Variants in PACRG observed in about 807,000 individuals in gnomAD.
PACRG encodes parkin coregulated, also known as parkin coregulated gene protein.
Under a neutral mutation model 29.7 loss-of-function variants are expected in PACRG, and 29 were observed. The observed-to-expected ratio is 0.98, with a 90% confidence interval of 0.73 to 1.33. The LOEUF (loss-of-function observed/expected upper bound fraction) is 1.33, where lower values mean the gene tolerates loss of function less well. Among genes scored for constraint, PACRG ranks in the 40% most tolerant of loss-of-function variants. PACRG has a pLI of 0.00. For missense variants in PACRG, 279 were observed against 316.2 expected, an observed-to-expected ratio of 0.88 and a Z score of 0.89; for synonymous variants, 116 against 118.7, an observed-to-expected ratio of 0.98 and a Z score of 0.15.
chr6:162,838,697 T>C (rs985814724), intron 2 of PACRG, among the ~76,000 whole-genome samples: 1 of 151,186 alleles, frequency 6.6e-6, no homozygotes, highest in Non-Finnish European at 1.5e-5. Context: ...ACCCACTAAC[T>C]GGTCATCTAG....
chr6:163,022,277 T>C (rs1180811433), intron 2 of PACRG, among the ~76,000 whole-genome samples: 1 of 152,256 alleles, frequency 6.6e-6, no homozygotes, highest in African/African-American at 2.4e-5. Context: ...GTCCCTGCCC[T>C]TGCTGTACTC....
chr6:163,006,045 A>G (rs1177416779), intron 2 of PACRG, among the ~76,000 whole-genome samples: 4 of 145,212 alleles, frequency 2.8e-5, no homozygotes, highest in African/African-American at 1.0e-4. Flanking sequence ...TATAACATAT[A>G]TAACTATGTA....
At chr6:163,149,706 C>G (rs1777994686) in intron 4 of PACRG, among the ~76,000 whole-genome samples, 2 of 152,140 alleles carry the variant, frequency 1.3e-5, no homozygotes, top group African/African-American at 4.8e-5. Flanking sequence ...AGCCCCAACC[C>G]AACACCTGTG....
intron 1 of PACRG, among the ~76,000 whole-genome samples, chr6:162,758,651 T>C (rs1323585333): frequency 6.6e-6 from 1 of 152,210 alleles, no homozygotes; most frequent in Non-Finnish European, 1.5e-5. Flanking sequence ...AGATATACTA[T>C]CCATGTGCTG....
intron 2 of PACRG, among the ~76,000 whole-genome samples, chr6:162,975,752 T>G (rs572056080): frequency 7.2e-6 from 1 of 138,804 alleles, no homozygotes; most frequent in East Asian, 2.5e-4. Flanking sequence ...AATAAAATCT[T>G]TAGCAGGTCC....
chr6:162,996,170 G>A (rs915778296), intron 2 of PACRG, among the ~76,000 whole-genome samples: 3 of 152,064 alleles, frequency 2.0e-5, no homozygotes, highest in Non-Finnish European at 4.4e-5. Flanking sequence ...CATGCACAGA[G>A]ATAATTATGT....
intron 1 of PACRG, among the ~76,000 whole-genome samples, chr6:162,770,482 A>G (rs1783133575): frequency 6.6e-6 from 1 of 152,120 alleles, no homozygotes; most frequent in African/African-American, 2.4e-5. Flanking sequence ...TTGGCATATG[A>G]GCTTTGTTCA....
chr6:162,916,202 G>T (rs1796684383), intron 2 of PACRG, among the ~76,000 whole-genome samples: 1 of 152,144 alleles, frequency 6.6e-6, no homozygotes, highest in Admixed American at 6.5e-5. Flanking sequence ...GCACTCTAAA[G>T]ATGCTATTCT....
At chr6:163,310,725 G>A (rs1272158536) in intron 4 of PACRG, 1 of 152,196 alleles carries the variant, frequency 6.6e-6, no homozygotes, top group Admixed American at 6.5e-5. Context: ...ACACAGTCTA[G>A]AATTGAAATG....
intron 2 of PACRG, among the ~76,000 whole-genome samples, chr6:162,838,452 A>T (rs1279449812): frequency 6.6e-6 from 1 of 152,194 alleles, no homozygotes; most frequent in Non-Finnish European, 1.5e-5. Context: ...GTTGATCGGA[A>T]ATCAGCCAAT....
At chr6:163,204,397 T>A (rs1029176298) in intron 4 of PACRG, among the ~76,000 whole-genome samples, 5 of 152,184 alleles carry the variant, frequency 3.3e-5, no homozygotes, top group Non-Finnish European at 5.9e-5. Context: ...AATTCTAACC[T>A]TTTCCCCTTG....
chr6:162,814,215 CTA>C lies in PACRG; in HGVS notation c.227_228del (p.Tyr76Ter). The C allele has an allele frequency of 5.6e-6, 9 of 1,613,820 alleles. No individual in the cohort carries two copies. Among genetic ancestry groups the C allele is most frequent in the Non-Finnish European group, 7.6e-6 (9 of 1,179,874 alleles). On this transcript the variant is annotated frameshift_variant, in exon 2 of 5. Coordinates refer to ENST00000366888, the MANE Select transcript of PACRG (RefSeq NM_001080379.2). LOFTEE classifies it high-confidence loss of function. Reference sequence around the variant, plus strand: ...CCAAGCCCACAGCATTTCGAAAATTCTATGAGCGAGGTGACTTCCCAATTGCC... The same window carrying C: ...CCAAGCCCACAGCATTTCGAAAATTCTGAGCGAGGTGACTTCCCAATTGCC... ...PTKPTAFRKF[Y>X]ERGDFPIALE...
chr6:163,290,802 A>T, intron 4 of PACRG, among the ~76,000 whole-genome samples: 1 of 152,202 alleles, frequency 6.6e-6, no homozygotes, highest in Non-Finnish European at 1.5e-5. Context: ...ATGGTCACTT[A>T]AAAATGTCCT....
chr6:162,992,506 A>G (rs1237330716), intron 2 of PACRG, among the ~76,000 whole-genome samples: 3 of 147,150 alleles, frequency 2.0e-5, no homozygotes, highest in Non-Finnish European at 3.0e-5. Flanking sequence ...CATTTCTTCT[A>G]GATTTTCTAG....
chr6:162,872,958 T>C (rs1366890901), intron 2 of PACRG, among the ~76,000 whole-genome samples: 2 of 152,170 alleles, frequency 1.3e-5, no homozygotes, highest in African/African-American at 2.4e-5. Context: ...AGAATCTCAA[T>C]TTTATTAGTA....
rs1215883399 is a variant in PACRG, at chr6:163,088,614, A to C, written c.464-645A>C. On this transcript the variant is annotated intron_variant, in intron 3 of 4. Coordinates refer to ENST00000366888, the MANE Select transcript of PACRG (RefSeq NM_001080379.2). ...TCTGCAGTACAGCTTGTTACTTTGC[A>C]CTCAGAACTGTTTCTTTAGAACTGT... Among the ~76,000 whole-genome samples, 9 of 152,164 alleles carry C rather than the reference A, an allele frequency of 5.9e-5. No homozygotes were observed. In the East Asian group the frequency reaches 1.5e-3, roughly 26 times the overall value.
chr6:162,868,705 G>T (rs1012567133), intron 2 of PACRG, among the ~76,000 whole-genome samples: 3 of 152,190 alleles, frequency 2.0e-5, no homozygotes, highest in African/African-American at 7.2e-5. Context: ...AGGAGAATAC[G>T]CAACTCCTTC....
At chr6:163,281,543 A>T (rs1008890023) in intron 4 of PACRG, among the ~76,000 whole-genome samples, 7 of 148,524 alleles carry the variant, frequency 4.7e-5, no homozygotes, top group African/African-American at 4.9e-5. Flanking sequence ...ATCAAGATGA[A>T]TTTTTTTTTT....
intron 2 of PACRG, among the ~76,000 whole-genome samples, chr6:162,935,669 A>C (rs1230640932): frequency 6.6e-6 from 1 of 151,958 alleles, no homozygotes; most frequent in African/African-American, 2.4e-5. Flanking sequence ...ATTTCTTTTC[A>C]GGCATTTCAT....
Sources: allele counts gnomAD v4.1 joint callset (sites outside exome capture counted in the v4.1 genomes callset), GRCh38; gene constraint gnomAD v4.1.1; transcripts MANE v1.5; gene names NCBI Gene and HGNC (gene_info 2026-07-23, HGNC 2026-07-21).